Variants in PLXNA4 observed in about 807,000 individuals in gnomAD.
PLXNA4 encodes the protein plexin A4, also known as plexin-A4.
Under a neutral mutation model 191.8 loss-of-function variants are expected in PLXNA4, and 44 were observed. The observed-to-expected ratio is 0.23, with a 90% CI of 0.18 to 0.29. PLXNA4 has a LOEUF of 0.29. Among genes scored for constraint, PLXNA4 ranks in the 10% least tolerant of loss-of-function variants. The probability of loss-of-function intolerance (pLI) is 1.00; values close to 1 mark genes in which losing one functional copy is unlikely to be tolerated. For missense variants in PLXNA4, 1,800 were observed against 2,488.8 expected (o/e 0.72, Z 5.89); for synonymous variants, 1,082 against 1,009.5 (o/e 1.07, Z -1.36).
chr7:132,241,104 T>C lies in PLXNA4; in HGVS notation c.1566A>G (p.Ser522=), dbSNP rs2117037860. 6.2e-7 allele frequency: 1 copy of C among 1,613,252 alleles called. No individual in the cohort carries two copies. The highest frequency in any genetic ancestry group is 8.5e-7 in the Non-Finnish European group (1 of 1,179,406). ...CACACCAGCCACAGTGGGGGTCGCC[T>C]GAGCCAAGGCACTCGCCGCAGCTCT... The part of the protein sequence containing the change: ...QYQSCGECLG[S]GDPHCGWCVL... Residue 522 remains serine, a synonymous_variant, in exon 5 of 32, where the codon TCA becomes TCG. Transcript: ENST00000321063.
At chr7:132,397,751 CATT>C (rs928109636) in intron 3 of PLXNA4, among the ~76,000 whole-genome samples, 1 of 152,226 alleles carries the variant, frequency 6.6e-6, no homozygotes, top group African/African-American at 2.4e-5. Flanking sequence ...TCATGGTCAT[CATT>C]ATTAATTATT....
At chr7:132,565,909 C>T (rs1196735052) in intron 1 of PLXNA4, among the ~76,000 whole-genome samples, 3 of 152,208 alleles carry the variant, frequency 2.0e-5, no homozygotes, top group Admixed American at 2.0e-4. Context: ...AGCGACAGAG[C>T]TCCAGTGCTT....
intron 1 of PLXNA4, among the ~76,000 whole-genome samples, chr7:132,540,732 C>A (rs376805060): frequency 6.6e-6 from 1 of 150,982 alleles, no homozygotes; most frequent in African/African-American, 2.4e-5. Flanking sequence ...GGACTACAGG[C>A]GCCCGCCACC....
At chr7:132,597,857 CTCTA>C (rs1206905278) in intron 2 of PLXNA4, among the ~76,000 whole-genome samples, 16 of 58,100 alleles carry the variant, frequency 2.8e-4, no homozygotes, top group African/African-American at 5.9e-4. Context: ...CTCTCTCTCT[CTCTA>C]TATATATATA....
At chr7:132,188,976 AAGGAAAGGAAAGGAAAGG>A (rs1796975100) in intron 14 of PLXNA4, among the ~76,000 whole-genome samples, 1 of 55,806 alleles carries the variant, frequency 1.8e-5, no homozygotes. Context: ...AAGGAAAGGA[AAGGAAAGGAAAGGAAAGG>A]AGAGAGAGAG....
At chr7:132,145,371 G>T in intron 28 of PLXNA4, 83 bp from the exon 29 acceptor site, 3 of 1,586,486 alleles carry the variant, frequency 1.9e-6, no homozygotes, top group Non-Finnish European at 2.6e-6. Context: ...ACAGACCTAG[G>T]CAGGGGAGGA....
chr7:132,430,370 A>C (rs1795214340), intron 3 of PLXNA4, among the ~76,000 whole-genome samples: 1 of 152,106 alleles, frequency 6.6e-6, no homozygotes, highest in Admixed American at 6.6e-5. Flanking sequence ...TGCTGAGTGA[A>C]TTAGTAAATC....
At chr7:132,390,452 G>C (rs1458802509) in intron 3 of PLXNA4, among the ~76,000 whole-genome samples, 3 of 152,024 alleles carry the variant, frequency 2.0e-5, no homozygotes. Flanking sequence ...AGCGTTAGGG[G>C]AAAACCTAAT....
intron 3 of PLXNA4, among the ~76,000 whole-genome samples, chr7:132,340,144 T>G (rs972677612): frequency 6.6e-6 from 1 of 152,206 alleles, no homozygotes; most frequent in Non-Finnish European, 1.5e-5. Flanking sequence ...TCTGTGGCAG[T>G]TGAGACAGAG....
chr7:132,533,533 C>G (rs1799708600), intron 1 of PLXNA4, among the ~76,000 whole-genome samples: 1 of 152,220 alleles, frequency 6.6e-6, no homozygotes, highest in Non-Finnish European at 1.5e-5. Context: ...CTCCCCTGTG[C>G]TTACTTAAAA....
chr7:132,568,858 A>G (rs1585365012), intron 1 of PLXNA4, among the ~76,000 whole-genome samples: 1 of 152,188 alleles, frequency 6.6e-6, no homozygotes, highest in Non-Finnish European at 1.5e-5. Flanking sequence ...GTCAGTATCT[A>G]ATGGACAAGA....
chr7:132,423,855 T>C (rs1250494211), intron 3 of PLXNA4, among the ~76,000 whole-genome samples: 1 of 152,144 alleles, frequency 6.6e-6, no homozygotes, highest in Admixed American at 6.5e-5. Flanking sequence ...CACATGGGGA[T>C]GGCCACACTA....
At chr7:132,550,446 T>A (rs1404439697) in intron 1 of PLXNA4, among the ~76,000 whole-genome samples, 1 of 152,192 alleles carries the variant, frequency 6.6e-6, no homozygotes, top group African/African-American at 2.4e-5. Context: ...GGGAAGGACC[T>A]CTTCCAGGCT....
chr7:132,359,975 CAG>C (rs1026406249), intron 3 of PLXNA4, among the ~76,000 whole-genome samples: 6 of 152,138 alleles, frequency 3.9e-5, no homozygotes, highest in Non-Finnish European at 5.9e-5. Context: ...TAATGGGCCT[CAG>C]TGTGGTTTCA....
chr7:132,605,154 T>C lies in PLXNA4; in HGVS notation c.-87+40774A>G, dbSNP rs188434785. Reference sequence around the variant, plus strand: ...ACTGTTCTTATCCACATTTTATTGATGAAGAGAATGGAGCATGGGGAAGAT... The same window carrying C: ...ACTGTTCTTATCCACATTTTATTGACGAAGAGAATGGAGCATGGGGAAGAT... On this transcript the variant is annotated intron_variant, in intron 2 of 4. Transcript: ENST00000378539. Among the ~76,000 whole-genome samples the C allele has an allele frequency of 3.7e-3, 561 of 152,296 alleles. 3 individuals are homozygous for C. Among genetic ancestry groups the C allele is most frequent in the South Asian group, 0.016 (76 of 4,826 alleles).
chr7:132,415,764 T>C (rs1204255316), intron 3 of PLXNA4, among the ~76,000 whole-genome samples: 1 of 152,166 alleles, frequency 6.6e-6, no homozygotes, highest in Admixed American at 6.5e-5. Flanking sequence ...TACCTGTATT[T>C]TACAGGTGAG....
intron 1 of PLXNA4, among the ~76,000 whole-genome samples, chr7:132,521,612 C>T (rs1348155265): frequency 6.6e-6 from 1 of 152,132 alleles, no homozygotes; most frequent in Non-Finnish European, 1.5e-5. Flanking sequence ...TTCCCCTGAC[C>T]CCTGGACTGT....
intron 3 of PLXNA4, among the ~76,000 whole-genome samples, chr7:132,365,328 C>CGCGTGTGTGT (rs142768008): frequency 3.5e-5 from 5 of 142,994 alleles, no homozygotes; most frequent in African/African-American, 1.3e-4. Flanking sequence ...CTACGGCCCG[C>CGCGTGTGTGT]GTGTGTGTGT....
chr7:132,531,586 G>A (rs1238789659), intron 1 of PLXNA4, among the ~76,000 whole-genome samples: 1 of 152,182 alleles, frequency 6.6e-6, no homozygotes, highest in Non-Finnish European at 1.5e-5. Context: ...CAGACCTAAG[G>A]AAGCTGTGTT....
Sources: allele counts gnomAD v4.1 joint callset (sites outside exome capture counted in the v4.1 genomes callset), GRCh38; gene constraint gnomAD v4.1.1; transcripts MANE v1.5; gene names NCBI Gene and HGNC (gene_info 2026-07-23, HGNC 2026-07-21).